The following ARF3 variants were observed in gnomAD, a reference collection of about 807,000 sequenced individuals.
ARF3 encodes the protein ARF GTPase 3.
In ARF3, 5 loss-of-function variants were observed where a neutral mutation model predicts 19.3. The observed-to-expected ratio is 0.26, with a 90% confidence interval of 0.14 to 0.54. The LOEUF (loss-of-function observed/expected upper bound fraction) is 0.54. ARF3 is among the 20% of genes least tolerant of loss of function. The probability of loss-of-function intolerance (pLI) is 0.95; values close to 1 mark genes in which losing one functional copy is unlikely to be tolerated. For missense variants in ARF3, 77 were observed against 234.2 expected, an observed-to-expected ratio of 0.33 and a Z score of 4.38; for synonymous variants, 71 against 89.2, an observed-to-expected ratio of 0.80 and a Z score of 1.15.
intron 1 of ARF3, among the ~76,000 whole-genome samples, chr12:48,944,148 T>C (rs1592240545): frequency 6.6e-6 from 1 of 152,278 alleles, no homozygotes; most frequent in East Asian, 1.9e-4. Flanking sequence ...CTTTAAAGGT[T>C]TGGTATCAGG....
In ARF3 at chr12:48,938,251, C is replaced by T. The variant is rs763435073; in HGVS notation, c.*696G>A. ...GTGAAGAATCCATCATCTGTCCTAT[C>T]ATCCAGAAAAACCTACCTGCAGAGA... On this transcript the variant is annotated 3_prime_UTR_variant, in exon 5 of 5. Coordinates refer to ENST00000256682, the MANE Select transcript of ARF3 (RefSeq NM_001659.3). 39 of 382,486 alleles carry T rather than the reference C, an allele frequency of 1.0e-4. No homozygotes were observed. Among genetic ancestry groups the T allele is most frequent in the South Asian group, 7.2e-4 (39 of 54,074 alleles). The allele number at this position is 382,486 out of a possible 1,614,324, so 23.7% of individuals were successfully genotyped here.
intron 1 of ARF3, among the ~76,000 whole-genome samples, chr12:48,948,951 G>T (rs1330913730): frequency 6.6e-6 from 1 of 152,160 alleles, no homozygotes; most frequent in Non-Finnish European, 1.5e-5. Context: ...AATTAGAAAG[G>T]GGAAAGACTG....
chr12:48,957,107 AC>A (rs1214442462), intron 1 of ARF3: 2 of 126,784 alleles, frequency 1.6e-5, no homozygotes, highest in Non-Finnish European at 3.4e-5. Context: ...CCCCACCCCC[AC>A]CCCAGCTCTG....
rs1940214883 is a variant in ARF3 at position 48,939,631 on chromosome 12, T to C, written c.384+24A>G. On this transcript the variant is annotated intron_variant, in intron 4 of 4. Coordinates refer to ENST00000256682, the MANE Select transcript of ARF3 (RefSeq NM_001659.3). The surrounding 1 kb of genome is among the most constrained non-coding windows in gnomAD (Gnocchi z 4.8). ...CACAGCCAGTTTGCTGTCTCCCAAA[T>C]TCAGGGGTGGGAAGAAGTCTCACCT... 1.2e-6 allele frequency: 2 copies of C among 1,613,716 alleles called. No individual in the cohort carries two copies. Among genetic ancestry groups the C allele is most frequent in the African/African-American group, 2.7e-5 (2 of 74,890 alleles).
chr12:48,940,165 C>T (rs1940228672), intron 2 of ARF3, 58 bp from the exon 3 acceptor site: 2 of 1,403,740 alleles, frequency 1.4e-6, no homozygotes, highest in East Asian at 2.3e-5. Flanking sequence ...CCGCAAACAC[C>T]ACCACAATGA....
chr12:48,952,041 A>G (rs2137594822), intron 1 of ARF3, among the ~76,000 whole-genome samples: 1 of 152,308 alleles, frequency 6.6e-6, no homozygotes, highest in East Asian at 1.9e-4. Flanking sequence ...GAAAAGAGGG[A>G]GGATCCAAAG....
intron 1 of ARF3, among the ~76,000 whole-genome samples, chr12:48,943,929 C>A (rs948161541): frequency 6.6e-6 from 1 of 152,194 alleles, no homozygotes; most frequent in Non-Finnish European, 1.5e-5. Context: ...TGCCTCAACC[C>A]ACCCAGGTGG....
In ARF3 at chr12:48,939,596, C is replaced by T; in HGVS notation, c.384+59G>A. On this transcript the variant is annotated intron_variant, in intron 4 of 4. Transcript: ENST00000256682. This position sits in a 1 kb window ranked among gnomAD's most constrained non-coding sequence, Gnocchi z 4.8. Reference sequence around the variant, plus strand: ...TTAACCATATAATAGGCCCAAGAGCCAACAATTTCCACAGCCAGTTTGCTG... The same window carrying T: ...TTAACCATATAATAGGCCCAAGAGCTAACAATTTCCACAGCCAGTTTGCTG... 1.2e-6 allele frequency: 2 copies of T among 1,611,426 alleles called. No homozygotes were observed. The highest frequency in any genetic ancestry group is 1.7e-6 in the Non-Finnish European group (2 of 1,178,018).
chr12:48,950,522 C>T (rs907784126), intron 1 of ARF3, among the ~76,000 whole-genome samples: 2 of 152,062 alleles, frequency 1.3e-5, no homozygotes, highest in African/African-American at 4.8e-5. Context: ...AAAATATACA[C>T]AAAATTTACC....
intron 1 of ARF3, among the ~76,000 whole-genome samples, chr12:48,946,101 C>A (rs1940353921): frequency 6.6e-6 from 1 of 152,180 alleles, no homozygotes; most frequent in South Asian, 2.1e-4. Context: ...CCACGTCTGG[C>A]CATGACTTTT....
rs1157012674 is a variant in ARF3, at chr12:48,937,677, TAGCATATCCTGGACTAGA to T, written c.*1252_*1269del. On this transcript the variant is annotated 3_prime_UTR_variant, in exon 5 of 5. Coordinates refer to ENST00000256682, the MANE Select transcript of ARF3 (RefSeq NM_001659.3). ...GAAACAATAGAAAATCTTCGTCCTTTAGCATATCCTGGACTAGAAAACAAGAGTTGGAGAAGAGGGGGG... is the reference window on the plus strand; with the variant it reads ...GAAACAATAGAAAATCTTCGTCCTTTAAACAAGAGTTGGAGAAGAGGGGGG... 2 of 152,266 alleles carry T rather than the reference TAGCATATCCTGGACTAGA, an allele frequency of 1.3e-5. No individual in the cohort carries two copies. The highest frequency in any genetic ancestry group is 2.9e-5 in the Non-Finnish European group (2 of 68,050). 9.4% of individuals were successfully genotyped at this position (152,266 alleles called of 1,614,324 possible).
chr12:48,939,292 AGAGGT>A lies in ARF3; in HGVS notation c.385-189_385-185del, dbSNP rs1316336579. 2.6e-5 allele frequency among the ~76,000 whole-genome samples: 4 copies of A among 152,172 alleles called. No homozygotes were observed. Among genetic ancestry groups the A allele is most frequent in the African/African-American group, 9.7e-5 (4 of 41,436 alleles). On this transcript the variant is annotated intron_variant, in intron 4 of 4. Transcript: ENST00000256682. The surrounding 1 kb of genome is among the most constrained non-coding windows in gnomAD (Gnocchi z 4.8). ...CCTAGAACTCAAGATCCAAAGCACTAGAGGTCACTGTACTGAAGAATTGGAAACCA... is the reference window on the plus strand; with the variant it reads ...CCTAGAACTCAAGATCCAAAGCACTACACTGTACTGAAGAATTGGAAACCA...
chr12:48,945,399 G>A (rs1940341007), intron 1 of ARF3, among the ~76,000 whole-genome samples: 1 of 152,116 alleles, frequency 6.6e-6, no homozygotes, highest in South Asian at 2.1e-4. Context: ...CTAATACAGT[G>A]AAACCCTGTC....
At chr12:48,951,126 A>C (rs923530947) in intron 1 of ARF3, among the ~76,000 whole-genome samples, 16 of 152,154 alleles carry the variant, frequency 1.1e-4, no homozygotes, top group African/African-American at 3.9e-4. Context: ...TATATGATTT[A>C]ATAAATCCTC....
At chr12:48,955,118 G>C (rs1940538813) in intron 1 of ARF3, among the ~76,000 whole-genome samples, 1 of 152,152 alleles carries the variant, frequency 6.6e-6, no homozygotes, top group Non-Finnish European at 1.5e-5. Context: ...CCTCTATCCT[G>C]AGTCCACTTC....
At chr12:48,950,093 A>T (rs1292369010) in intron 1 of ARF3, among the ~76,000 whole-genome samples, 2 of 152,248 alleles carry the variant, frequency 1.3e-5, no homozygotes, top group African/African-American at 2.4e-5. Flanking sequence ...CCACGATGAA[A>T]TACAATGGCT....
At chr12:48,940,888 T>G in intron 2 of ARF3, 60 bp downstream of exon 2, 2 of 1,487,182 alleles carry the variant, frequency 1.3e-6, no homozygotes, top group Non-Finnish European at 1.8e-6. Flanking sequence ...GAACCAGGAA[T>G]AGGTCCCTGC....
In ARF3 at chr12:48,937,035, ACACACACACT is replaced by A. The variant is rs1459410670; in HGVS notation, c.*1902_*1911del. On this transcript the variant is annotated 3_prime_UTR_variant, in exon 5 of 5. Coordinates refer to ENST00000256682, the MANE Select transcript of ARF3 (RefSeq NM_001659.3). ...CACACAAACACACCCACACCCATAT[ACACACACACT>A]CACACACACACACAGGCCTAGAGAG... 1 of 152,402 alleles carries A rather than the reference ACACACACACT, an allele frequency of 6.6e-6. No individual in the cohort carries two copies. The highest frequency in any genetic ancestry group is 1.5e-5 in the Non-Finnish European group (1 of 68,124). The allele number at this position is 152,402 out of a possible 1,614,324, so 9.4% of individuals were successfully genotyped here.
At chr12:48,941,293 G>A (rs887919349) in intron 1 of ARF3, 105 bp from the exon 2 acceptor site, 1 of 583,884 alleles carries the variant, frequency 1.7e-6, no homozygotes, top group African/African-American at 1.9e-5. Context: ...GACAAACGGA[G>A]AGCCTGAGGG....
Sources: gnomAD v4.1 joint callset for allele counts (sites outside exome capture counted in the v4.1 genomes callset) on GRCh38, gnomAD v4.1.1 for gene constraint, Gnocchi (gnomAD v3.1) non-coding constraint, MANE v1.5 for transcripts, NCBI Gene and HGNC (gene_info 2026-07-23, HGNC 2026-07-21) for gene names.